The following QRICH2 variants were observed in gnomAD, a reference collection of about 807,000 sequenced individuals.
QRICH2 encodes the protein glutamine rich 2.
A neutral mutation model predicts 168.3 loss-of-function variants in QRICH2; 119 were observed. The observed-to-expected ratio is 0.71, with a 90% CI of 0.61 to 0.82. The LOEUF is 0.82. Among genes scored for constraint, QRICH2 ranks in the 40% least tolerant of loss-of-function variants. The probability of loss-of-function intolerance (pLI) is 0.00; values close to 1 mark genes in which losing one functional copy is unlikely to be tolerated. For synonymous variants in QRICH2, 894 were observed against 951.2 expected (o/e 0.94, Z 1.11); for missense variants, 2,241 against 2,491.6 (o/e 0.90, Z 2.14).
In QRICH2 at chr17:76,292,661, C is replaced by A. The variant is rs747727697; in HGVS notation, c.2066G>T (p.Gly689Val). The A allele has an allele frequency of 6.2e-7, 1 of 1,614,086 alleles. No homozygotes were observed. ...CTGATCTGCACCAGGTTGGACCAAG[C>A]CAGGCTGATATGCACCAGGCTGCAC... Reference protein sequence around the residue: ...ALVQPGAYQPGLVQPGADQID... With the variant: ...ALVQPGAYQPVLVQPGADQID... Residue 689 changes from glycine to valine, a missense_variant, in exon 4 of 19, where the codon GGC becomes GTC. Gly to Val is a moderately radical substitution (Grantham distance 109, BLOSUM62 -3). Around this residue, in one of 3 missense-constraint regions of QRICH2, gnomAD observed 2,047 missense variants for 2,303.8 expected, o/e 0.89. Transcript: ENST00000680821.
chr17:76,287,423 C>G (rs1412552608), intron 6 of QRICH2, 117 bp from the exon 7 acceptor site: 13 of 739,828 alleles, frequency 1.8e-5, no homozygotes, highest in Admixed American at 1.7e-4. Context: ...CACCCTCCAC[C>G]CCCCTCCAAT....
chr17:76,294,199 T>C (rs932754692), intron 3 of QRICH2, among the ~76,000 whole-genome samples, 178 bp from the exon 4 acceptor site: 24 of 151,730 alleles, frequency 1.6e-4, no homozygotes, highest in Middle Eastern at 3.4e-3. Flanking sequence ...CCGAGGCGGG[T>C]GGATTACTTG....
Position 76,292,642 on chromosome 17 carries a change from T to C in QRICH2, c.2085A>G (p.Ala695=). ...AYQPGLVQPG[A]DQIDVVQPGA... is the part of the protein sequence containing the mutation. ...CAGGTTGCACCACATCAATCTGATC[T>C]GCACCAGGTTGGACCAAGCCAGGCT... The change falls in exon 4 of 19, where the codon GCA becomes GCG. Residue 695 remains alanine (A), a synonymous_variant. Coordinates refer to ENST00000680821, the MANE Select transcript of QRICH2 (RefSeq NM_001388453.1). 6.2e-7 allele frequency: 1 copy of C among 1,613,852 alleles called. No homozygotes were observed. Among genetic ancestry groups the C allele is most frequent in the South Asian group, 1.1e-5 (1 of 91,068 alleles).
rs1190939516 is a variant in QRICH2, at chr17:76,289,996, G to T, written c.3794C>A (p.Ala1265Glu). 1.3e-6 allele frequency: 2 copies of T among 1,599,388 alleles called. No homozygotes were observed. ...AGTGGGTTGACTCTTCCTTACTTTT[G>T]CTTTCTCCTGCCAAACTTCTTTGGC... is the stretch of plus-strand genomic sequence containing the variant. ...TLAKEVWQEK[A>E]KVERLQRILE... Residue 1265 changes from alanine (A) to glutamate (E), a missense_variant, in exon 5 of 19, where the codon GCA becomes GAA. Transcript: ENST00000680821.
In QRICH2 at chr17:76,291,060, C is replaced by T. The variant is rs534979094; in HGVS notation, c.3667G>A (p.Gly1223Ser). ...SMKDLDEEQA[G>S]QTDLEKIQFL... Reference sequence around the variant, plus strand: ...TGGATCTTCTCCAAGTCGGTTTGGCCGGCCTGCTCCTCATCCAGATCCTTC... The same window carrying T: ...TGGATCTTCTCCAAGTCGGTTTGGCTGGCCTGCTCCTCATCCAGATCCTTC... Residue 1223 changes from glycine to serine, a missense_variant, in exon 4 of 19, where the codon GGC becomes AGC. Transcript: ENST00000680821. 1.1e-3 allele frequency: 1,762 copies of T among 1,614,032 alleles called. 24 individuals carry two copies. The South Asian group carries it at 0.019, about 17-fold the overall frequency.
At chr17:76,277,707 CAT>C (rs2070711130) in intron 15 of QRICH2, among the ~76,000 whole-genome samples, 2 of 152,094 alleles carry the variant, frequency 1.3e-5, no homozygotes, top group South Asian at 4.2e-4. Context: ...CATGCACACA[CAT>C]ACTCAAACAC....
At chr17:76,287,345 A>G in intron 6 of QRICH2, 39 bp from the exon 7 acceptor site, 1 of 1,473,488 alleles carries the variant, frequency 6.8e-7, no homozygotes, top group Non-Finnish European at 9.5e-7. Flanking sequence ...CTCCACACTC[A>G]GGCCAGACCC....
At position 76,287,204 on chromosome 17, in the gene QRICH2, G is replaced by C. The variant is rs934388592; in HGVS notation, c.3999C>G (p.Tyr1333Ter). ...MENSVSEASL[Y>*]LQDQLDKLRM... ...GGGGAATCCTCACCTGGTCCTGCAG[G>C]TAAAGGGAGGCTTCAGAGACAGAAT... is the stretch of plus-strand genomic sequence containing the variant. Residue 1333 changes from tyrosine (Y) to a stop codon, truncating the protein, a stop_gained, in exon 7 of 19, where the codon TAC becomes TAG. Coordinates refer to ENST00000680821, the MANE Select transcript of QRICH2 (RefSeq NM_001388453.1). LOFTEE classifies it high-confidence loss of function. 6 of 1,612,778 alleles carry C rather than the reference G, an allele frequency of 3.7e-6. No individual in the cohort carries two copies. The Admixed American group carries it at 5.0e-5, about 13-fold the overall frequency.
intron 3 of QRICH2, among the ~76,000 whole-genome samples, 170 bp downstream of exon 3, chr17:76,304,245 C>T (rs932097423): frequency 2.0e-4 from 31 of 152,328 alleles, no homozygotes; most frequent in African/African-American, 7.2e-4. Context: ...ATGTTATTCA[C>T]ACGTGAATGA....
intron 18 of QRICH2, among the ~76,000 whole-genome samples, chr17:76,274,737 C>T (rs1252431296): frequency 1.3e-5 from 2 of 152,194 alleles, no homozygotes; most frequent in African/African-American, 2.4e-5. Context: ...CTGAGACCTG[C>T]CGTTCCCAGC....
chr17:76,275,364 T>C (rs954418238), intron 18 of QRICH2, among the ~76,000 whole-genome samples: 1 of 152,114 alleles, frequency 6.6e-6, no homozygotes, highest in Non-Finnish European at 1.5e-5. Flanking sequence ...CTCCTGACCT[T>C]CAGGCCCAAC....
At position 76,307,928 on chromosome 17, in the gene QRICH2, G is replaced by A. The variant is rs1029677124; in HGVS notation, c.71C>T (p.Ala24Val). ...DLSIGTPEVG[A>V]VNFTALHTLI... ...CGTGTGCAGGGCCGTGAAGTTGACG[G>A]CGCCCACCTCTGGCGTGCCGATGGA... The change falls in exon 1 of 19, where the codon GCC (alanine) becomes GTC (valine). Residue 24 changes from alanine (A) to valine (V), a missense_variant. Transcript: ENST00000680821. The surrounding 1 kb of genome is among the most constrained non-coding windows in gnomAD (Gnocchi z 5.3). 2 of 1,237,090 alleles carry A rather than the reference G, an allele frequency of 1.6e-6. No homozygotes were observed. The highest frequency in any genetic ancestry group is 3.1e-5 in the African/African-American group (2 of 64,368). The allele number at this position is 1,237,090 out of a possible 1,614,324, so 76.6% of individuals were successfully genotyped here.
intron 7 of QRICH2, among the ~76,000 whole-genome samples, chr17:76,284,789 G>A (rs1005403531): frequency 6.6e-6 from 1 of 150,844 alleles, no homozygotes; most frequent in Non-Finnish European, 1.5e-5. Flanking sequence ...CTGCACTCCA[G>A]CCTGACAACA....
At chr17:76,285,905 G>T (rs1294158891) in intron 7 of QRICH2, among the ~76,000 whole-genome samples, 1 of 151,742 alleles carries the variant, frequency 6.6e-6, no homozygotes, top group African/African-American at 2.4e-5. Context: ...AGGTGCGGTG[G>T]CTCACGCCTA....
chr17:76,291,059 C>A lies in QRICH2; in HGVS notation c.3668G>T (p.Gly1223Val). 6.2e-7 allele frequency: 1 copy of A among 1,614,048 alleles called. No individual in the cohort carries two copies. Among genetic ancestry groups the A allele is most frequent in the Non-Finnish European group, 8.5e-7 (1 of 1,179,910 alleles). The change falls in exon 4 of 19, where the codon GGC becomes GTC. Residue 1223 changes from glycine (G) to valine (V), a missense_variant. Around this residue, in one of 3 missense-constraint regions of QRICH2, gnomAD observed 2,047 missense variants for 2,303.8 expected, o/e 0.89. Coordinates refer to ENST00000680821, the MANE Select transcript of QRICH2 (RefSeq NM_001388453.1). Reference sequence around the variant, plus strand: ...CTGGATCTTCTCCAAGTCGGTTTGGCCGGCCTGCTCCTCATCCAGATCCTT... The same window carrying A: ...CTGGATCTTCTCCAAGTCGGTTTGGACGGCCTGCTCCTCATCCAGATCCTT... ...SMKDLDEEQA[G>V]QTDLEKIQFL...
At chr17:76,297,522 T>A (rs2678671) in intron 3 of QRICH2, among the ~76,000 whole-genome samples, 18,563 of 148,666 alleles carry the variant, frequency 0.12, 1,169 homozygotes, top group Middle Eastern at 0.18. Context: ...AAAAAAAAAA[T>A]ACAAAAATAT....
In QRICH2 at chr17:76,307,348, C is replaced by G; in HGVS notation, c.534+117G>C. ...CTGAGGTCTGGCACCTCCTCGGTCC[C>G]CATCCCCTCCGTCCCCACCACCGCT... is the stretch of plus-strand genomic sequence containing the variant. On this transcript the variant is annotated intron_variant, in intron 1 of 18. Coordinates refer to ENST00000680821, the MANE Select transcript of QRICH2 (RefSeq NM_001388453.1). This position sits in a 1 kb window ranked among gnomAD's most constrained non-coding sequence, Gnocchi z 5.3. The G allele has an allele frequency of 4.5e-6, 5 of 1,099,928 alleles. No homozygotes were observed. Among genetic ancestry groups the G allele is most frequent in the South Asian group, 2.7e-5 (2 of 74,520 alleles). The allele number at this position is 1,099,928 out of a possible 1,614,324, so 68.1% of individuals were successfully genotyped here.
intron 3 of QRICH2, among the ~76,000 whole-genome samples, chr17:76,302,998 C>T (rs2070930170): frequency 6.6e-6 from 1 of 152,058 alleles, no homozygotes. Flanking sequence ...ATTCTTCTGC[C>T]TCAGTCTCCT....
Position 76,291,901 on chromosome 17 carries a change from T to C in QRICH2, c.2826A>G (p.Val942=), listed in dbSNP as rs765506641. The change falls in exon 4 of 19, where the codon GTA becomes GTG. Residue 942 remains valine, a synonymous_variant. Coordinates refer to ENST00000680821, the MANE Select transcript of QRICH2 (RefSeq NM_001388453.1). ...VQPGAYPLGL[V]QPGAYLHDLS... Reference sequence around the variant, plus strand: ...AATCATGCAAATATGCACCAGGTTGTACCAAACCAAGAGGATAGGCACCAG... The same window carrying C: ...AATCATGCAAATATGCACCAGGTTGCACCAAACCAAGAGGATAGGCACCAG... 1.9e-6 allele frequency: 3 copies of C among 1,613,636 alleles called. No homozygotes were observed. Among genetic ancestry groups the C allele is most frequent in the East Asian group, 2.2e-5 (1 of 44,852 alleles).
Sources: gnomAD v4.1 joint callset for allele counts (sites outside exome capture counted in the v4.1 genomes callset) on GRCh38, gnomAD v4.1.1 for gene constraint, gnomAD v4.1.1 regional missense constraint, Gnocchi (gnomAD v3.1) non-coding constraint, MANE v1.5 for transcripts, NCBI Gene and HGNC (gene_info 2026-07-23, HGNC 2026-07-21) for gene names.